Variants in MLLT10 observed in about 807,000 individuals in gnomAD.
The protein encoded by MLLT10 is protein AF-10.
Under a neutral mutation model 129.1 loss-of-function variants are expected in MLLT10, and 30 were observed. That is an observed-to-expected ratio of 0.23 (90% CI 0.17 to 0.32). The LOEUF (loss-of-function observed/expected upper bound fraction) is 0.32, where lower values mean the gene tolerates loss of function less well. Ranked by LOEUF, MLLT10 falls within the 10% of genes least tolerant of loss-of-function variation. The pLI, the probability that MLLT10 is intolerant of heterozygous loss-of-function variation, is 1.00. For missense variants in MLLT10, 1,119 were observed against 1,268.3 expected, an observed-to-expected ratio of 0.88 and a Z score of 1.79; for synonymous variants, 490 against 446.4, an observed-to-expected ratio of 1.10 and a Z score of -1.23.
chr10:21,546,575 G>GTT (rs1341984814), intron 3 of MLLT10, among the ~76,000 whole-genome samples: 5 of 111,810 alleles, frequency 4.5e-5, no homozygotes, highest in East Asian at 2.7e-4. Flanking sequence ...TGGCTAATTT[G>GTT]TTTTTTTTTT....
At chr10:21,627,122 C>T (rs1471848707) in intron 8 of MLLT10, among the ~76,000 whole-genome samples, 1 of 152,006 alleles carries the variant, frequency 6.6e-6, no homozygotes, top group Non-Finnish European at 1.5e-5. Context: ...TGCTGTACTA[C>T]TCACTCATTC....
At chr10:21,625,620 C>T (rs535864991) in intron 8 of MLLT10, 17 of 756,560 alleles carry the variant, frequency 2.2e-5, no homozygotes, top group Admixed American at 8.6e-5. Context: ...TAGAGAATGA[C>T]GTCCACCAAA....
At chr10:21,570,779 G>A (rs2040118091) in intron 3 of MLLT10, among the ~76,000 whole-genome samples, 1 of 151,852 alleles carries the variant, frequency 6.6e-6, no homozygotes, top group Non-Finnish European at 1.5e-5. Flanking sequence ...TTGTTTTAAA[G>A]GACTTGTCTG....
At chr10:21,634,601 A>G (rs968780892) in intron 8 of MLLT10, among the ~76,000 whole-genome samples, 1 of 152,150 alleles carries the variant, frequency 6.6e-6, no homozygotes, top group African/African-American at 2.4e-5. Context: ...TCCATTGATG[A>G]TCTTTGCCTG....
Position 21,629,381 on chromosome 10 carries a change from G to A in MLLT10, c.699+12174G>A, listed in dbSNP as rs190466876. Among the ~76,000 whole-genome samples the A allele has an allele frequency of 2.6e-5, 4 of 151,722 alleles. No homozygotes were observed. The East Asian group carries it at 7.7e-4, about 29-fold the overall frequency. On this transcript the variant is annotated intron_variant, in intron 8 of 22. Transcript: ENST00000307729. ...ATTTGCCATTTTAACCACTTTGATGGCATATTGTTATTTTTACTCTCTATT... is the reference window on the plus strand; with the variant it reads ...ATTTGCCATTTTAACCACTTTGATGACATATTGTTATTTTTACTCTCTATT...
At chr10:21,668,999 T>C (rs1276274248) in intron 9 of MLLT10, 1 of 1,376,064 alleles carries the variant, frequency 7.3e-7, no homozygotes, top group African/African-American at 1.4e-5. Flanking sequence ...AAAAATGAGG[T>C]GGGGTGGTTT....
At chr10:21,739,543 A>T (rs1326123273) in intron 21 of MLLT10, among the ~76,000 whole-genome samples, 1 of 152,180 alleles carries the variant, frequency 6.6e-6, no homozygotes, top group Non-Finnish European at 1.5e-5. Flanking sequence ...TTCCCTGCTC[A>T]ATGTGTTTCA....
Position 21,534,728 on chromosome 10 carries a change from C to T in MLLT10, c.84C>T (p.Cys28=). 6.2e-7 allele frequency: 1 copy of T among 1,613,496 alleles called. No homozygotes were observed. The highest frequency in any genetic ancestry group is 8.5e-7 in the Non-Finnish European group (1 of 1,179,578). The change falls in exon 2 of 23, where the codon TGC becomes TGT. Residue 28 remains cysteine, a synonymous_variant. Transcript: ENST00000307729. The stretch of plus-strand genomic sequence containing the variant: ...AGATGATTGGAGGCTGTTGCGTTTG[C>T]TCAGACGAGAGAGGCTGGGCCGAGA... The part of the protein sequence containing the change: ...MKEMIGGCCV[C]SDERGWAENP...
At chr10:21,693,187 C>G (rs1333488323) in intron 13 of MLLT10, among the ~76,000 whole-genome samples, 1 of 152,126 alleles carries the variant, frequency 6.6e-6, no homozygotes, top group Non-Finnish European at 1.5e-5. Flanking sequence ...AAAATCACCC[C>G]ATGTAAAAAT....
At chr10:21,618,750 C>T (rs1010300982) in intron 8 of MLLT10, among the ~76,000 whole-genome samples, 1 of 151,574 alleles carries the variant, frequency 6.6e-6, no homozygotes, top group African/African-American at 2.4e-5. Flanking sequence ...TCTCGTGTCT[C>T]AGCCTCCCTA....
At chr10:21,741,489 T>C (rs76297276) in intron 22 of MLLT10, among the ~76,000 whole-genome samples, 5,038 of 152,242 alleles carry the variant, frequency 0.033, 133 homozygotes, top group Middle Eastern at 0.065. Flanking sequence ...ACAGTGACAT[T>C]TGTGATTTCA....
rs530077082 is a variant in MLLT10, at chr10:21,734,357, CTT to C, written c.2858+229_2858+230del. On this transcript the variant is annotated intron_variant, in intron 20 of 22. Transcript: ENST00000307729. ...ATTATGTTCTGTGCTGAAAATTAGT[CTT>C]AATCTGTGATGTCTGTTTTTAAATA... 3.2e-3 allele frequency among the ~76,000 whole-genome samples: 493 copies of C among 152,240 alleles called. 2 individuals are homozygous for C. The highest frequency in any genetic ancestry group is 0.011 in the African/African-American group (473 of 41,530).
At chr10:21,648,223 C>T (rs2048689938) in intron 8 of MLLT10, among the ~76,000 whole-genome samples, 1 of 152,176 alleles carries the variant, frequency 6.6e-6, no homozygotes, top group African/African-American at 2.4e-5. Context: ...CTTTGATTCA[C>T]ATTTGATAGG....
intron 3 of MLLT10, among the ~76,000 whole-genome samples, chr10:21,580,868 ATTTTTTT>A (rs71393910): frequency 1.4e-5 from 1 of 73,294 alleles, no homozygotes; most frequent in Non-Finnish European, 2.6e-5. Flanking sequence ...CGCCCAGCTC[ATTTTTTT>A]TTTTTTTTTT....
intron 3 of MLLT10, among the ~76,000 whole-genome samples, chr10:21,575,005 C>G (rs532382661): frequency 6.6e-6 from 1 of 152,088 alleles, no homozygotes; most frequent in Non-Finnish European, 1.5e-5. Context: ...AGCCCCTGTT[C>G]AAGATAGAGG....
At chr10:21,624,611 G>A (rs1016335400) in intron 8 of MLLT10, 44 of 1,414,488 alleles carry the variant, frequency 3.1e-5, no homozygotes, top group Non-Finnish European at 4.0e-5. Context: ...TTGCCCATAA[G>A]TATCCTGATA....
intron 3 of MLLT10, among the ~76,000 whole-genome samples, chr10:21,547,237 TAGTGATTGCACTTAA>T (rs2036230251): frequency 6.6e-6 from 1 of 152,116 alleles, no homozygotes; most frequent in African/African-American, 2.4e-5. Context: ...TCTTTTATTT[TAGTGATTGCACTTAA>T]AGTTTTAACA....
chr10:21,534,034 G>C, upstream of MLLT10: 1 of 156,406 alleles, frequency 6.4e-6, no homozygotes. Flanking sequence ...GCGCGCCCCC[G>C]CGCCCGTTCA....
intron 8 of MLLT10, among the ~76,000 whole-genome samples, chr10:21,634,941 GCTTAT>G (rs1230592120): frequency 2.0e-5 from 3 of 152,132 alleles, no homozygotes; most frequent in Non-Finnish European, 4.4e-5. Context: ...GATGCTGTAG[GCTTAT>G]CTTGTCTTCT....
Sources: gnomAD v4.1 joint callset for allele counts (sites outside exome capture counted in the v4.1 genomes callset) on GRCh38, gnomAD v4.1.1 for gene constraint, MANE v1.5 for transcripts, NCBI Gene and HGNC (gene_info 2026-07-23, HGNC 2026-07-21) for gene names.